RADX: variants seen among roughly 807,000 people sequenced by gnomAD.
The protein encoded by RADX is RPA1 related single stranded DNA binding protein, X-linked.
In RADX, 36 loss-of-function variants were observed where a neutral mutation model predicts 61.6. The ratio of observed to expected loss-of-function variants is 0.58; its 90% CI spans 0.45 to 0.77. The LOEUF (loss-of-function observed/expected upper bound fraction) is 0.77, where lower values mean the gene tolerates loss of function less well. Among genes scored for constraint, RADX ranks in the 30% least tolerant of loss-of-function variants. RADX has a pLI of 0.00. For missense variants in RADX, 497 were observed against 651.1 expected (o/e 0.76, Z 2.58); for synonymous variants, 272 against 237.9 (o/e 1.14, Z -1.32).
chrX:106,648,802 T>A (rs1328022078), intron 11 of RADX, among the ~76,000 whole-genome samples: 1 of 110,957 alleles, frequency 9.0e-6, no homozygotes, highest in Admixed American at 9.6e-5. Context: ...TCTGGTGGGG[T>A]GTCCGTAGAG....
intron 10 of RADX, among the ~76,000 whole-genome samples, chrX:106,647,368 A>G (rs1051186809): frequency 9.0e-6 from 1 of 111,290 alleles, no homozygotes; most frequent in African/African-American, 3.2e-5. Flanking sequence ...TATATGTACC[A>G]CATTTTCTTT....
chrX:106,663,672 C>T (rs764192094), intron 12 of RADX, among the ~76,000 whole-genome samples: 1 of 111,458 alleles, frequency 9.0e-6, no homozygotes, highest in East Asian at 2.8e-4. Context: ...GAGATGGATA[C>T]CCCATTTACC....
At chrX:106,628,517 A>AT (rs1927127380) in intron 3 of RADX, among the ~76,000 whole-genome samples, 2 of 111,449 alleles carry the variant, frequency 1.8e-5, no homozygotes, top group Non-Finnish European at 3.8e-5. Flanking sequence ...TCAGTAAAGG[A>AT]ATAAGGATTT....
In RADX at chrX:106,669,338, A is replaced by G. The variant is rs901566579; in HGVS notation, c.2437+8A>G. On this transcript the variant is annotated splice_region_variant and intron_variant, in intron 13 of 13. Transcript: ENST00000372548. ...GTCCAAGAGCGGTTGCAGGTAAAAC[A>G]ATCTCAGTGTTCTTTTCACTCAGAA... is the stretch of plus-strand genomic sequence containing the variant. The G allele has an allele frequency of 2.6e-6, 3 of 1,157,237 alleles. No individual in the cohort carries two copies. The African/African-American group carries it at 5.6e-5, about 22-fold the overall frequency.
At chrX:106,656,190 T>C (rs1927936887) in intron 11 of RADX, among the ~76,000 whole-genome samples, 1 of 112,386 alleles carries the variant, frequency 8.9e-6, no homozygotes, top group South Asian at 3.7e-4. Context: ...ACCACCTTTG[T>C]TCATTTGTAA....
At chrX:106,633,400 A>C in intron 6 of RADX, 148 bp downstream of exon 6, 1 of 460,482 alleles carries the variant, frequency 2.2e-6, no homozygotes, top group South Asian at 5.5e-5. Flanking sequence ...TTCTATATTA[A>C]TATCGTTTTT....
chrX:106,663,217 A>G (rs1408836730), intron 12 of RADX, among the ~76,000 whole-genome samples: 1 of 111,836 alleles, frequency 8.9e-6, no homozygotes, highest in Non-Finnish European at 1.9e-5. Context: ...CAGTCCTTGG[A>G]TGAATTGCCT....
chrX:106,634,133 C>T (rs1927305484), intron 6 of RADX, among the ~76,000 whole-genome samples: 2 of 110,950 alleles, frequency 1.8e-5, no homozygotes. Context: ...ATCTATCTAT[C>T]TGTATACATA....
At chrX:106,631,639 T>A (rs762080034) in intron 3 of RADX, among the ~76,000 whole-genome samples, 1 of 100,541 alleles carries the variant, frequency 9.9e-6, no homozygotes, top group South Asian at 4.6e-4. Context: ...AAGGCTGCAG[T>A]GAGCCATGAT....
At chrX:106,626,764 T>A (rs1245323130) in intron 3 of RADX, among the ~76,000 whole-genome samples, 2 of 112,361 alleles carry the variant, frequency 1.8e-5, no homozygotes. Context: ...GGTGATAATA[T>A]ATTTAAAATG....
In RADX at chrX:106,670,373, C is replaced by T. The variant is rs1034438942; in HGVS notation, c.2437+1043C>T. Among the ~76,000 whole-genome samples the T allele has an allele frequency of 2.7e-5, 3 of 110,582 alleles. No individual in the cohort carries two copies. In the South Asian group the frequency reaches 1.1e-3, roughly 42 times the overall value. ...AATATCCACTTATGTTACATGTCTTCTGCTGTATGTCTACACTACTATTGA... is the reference window on the plus strand; with the variant it reads ...AATATCCACTTATGTTACATGTCTTTTGCTGTATGTCTACACTACTATTGA... On this transcript the variant is annotated intron_variant, in intron 13 of 13. Transcript: ENST00000372548.
chrX:106,633,919 G>A (rs1306754872), intron 6 of RADX, among the ~76,000 whole-genome samples: 5 of 111,646 alleles, frequency 4.5e-5, no homozygotes, highest in Non-Finnish European at 9.4e-5. Context: ...AAGGAAAAAA[G>A]TATAATACTT....
chrX:106,655,911 C>T (rs982384016), intron 11 of RADX, among the ~76,000 whole-genome samples: 1 of 111,700 alleles, frequency 9.0e-6, no homozygotes, highest in Non-Finnish European at 1.9e-5. Context: ...CCTGAGGAAT[C>T]GGCTTTGGCA....
chrX:106,654,932 A>T (rs1337926903), intron 11 of RADX, among the ~76,000 whole-genome samples: 1 of 111,777 alleles, frequency 8.9e-6, no homozygotes, highest in Admixed American at 9.5e-5. Flanking sequence ...GCAGGAAAAG[A>T]GAAAATTGAT....
intron 10 of RADX, among the ~76,000 whole-genome samples, chrX:106,642,513 C>T (rs1043469034): frequency 9.0e-6 from 1 of 111,568 alleles, no homozygotes; most frequent in African/African-American, 3.2e-5. Context: ...GAATGTTTAT[C>T]TTTCTATGCT....
In RADX at chrX:106,618,061, G is replaced by A. The variant is rs1373357043; in HGVS notation, c.644-4590G>A. Among the ~76,000 whole-genome samples the A allele has an allele frequency of 2.7e-5, 3 of 111,886 alleles. No individual in the cohort carries two copies. The East Asian group carries it at 8.4e-4, about 31-fold the overall frequency. ...TTGCATGCCATGAAAATAAAAGAGAGGGGTTTAAAGATATTACCGTCTCAG... is the reference window on the plus strand; with the variant it reads ...TTGCATGCCATGAAAATAAAAGAGAAGGGTTTAAAGATATTACCGTCTCAG... On this transcript the variant is annotated intron_variant, in intron 1 of 13. Transcript: ENST00000372548.
At chrX:106,664,217 GT>G (rs370561264) in intron 12 of RADX, among the ~76,000 whole-genome samples, 6,616 of 99,905 alleles carry the variant, frequency 0.066, 446 homozygotes, top group African/African-American at 0.2. Flanking sequence ...AGGGAGAAGG[GT>G]TTTTTTTTTT....
chrX:106,619,641 T>G (rs1926895813), intron 1 of RADX, among the ~76,000 whole-genome samples: 1 of 111,989 alleles, frequency 8.9e-6, no homozygotes, highest in Non-Finnish European at 1.9e-5. Context: ...TGGTTTTCTT[T>G]TGCTTCTTAT....
At chrX:106,617,020 G>GTTTTTTTTTTTTTTTTTTTTTTT (rs60413185) in intron 1 of RADX, among the ~76,000 whole-genome samples, 1 of 54,544 alleles carries the variant, frequency 1.8e-5, no homozygotes, top group Non-Finnish European at 3.2e-5. Flanking sequence ...GTGTGTGTGG[G>GTTTTTTTTTTTTTTTTTTTTTTT]TTTTTTTTTT....
Sources: allele counts gnomAD v4.1 joint callset (sites outside exome capture counted in the v4.1 genomes callset), GRCh38; gene constraint gnomAD v4.1.1; transcripts MANE v1.5; gene names NCBI Gene and HGNC (gene_info 2026-07-23, HGNC 2026-07-21).